The following SLC24A2 variants were observed in gnomAD, a reference collection of about 807,000 sequenced individuals.
SLC24A2 encodes solute carrier family 24 member 2, also known as sodium/potassium/calcium exchanger 2.
Under a neutral mutation model 62.0 loss-of-function variants are expected in SLC24A2, and 36 were observed. The observed-to-expected ratio is 0.58, with a 90% confidence interval of 0.44 to 0.77. The LOEUF is 0.77. Ranked by LOEUF, SLC24A2 falls within the 30% of genes least tolerant of loss-of-function variation. The probability of loss-of-function intolerance (pLI) is 0.00; values close to 1 mark genes in which losing one functional copy is unlikely to be tolerated. For synonymous variants in SLC24A2, 358 were observed against 294.0 expected (o/e 1.22, Z -2.23); for missense variants, 846 against 817.9 (o/e 1.03, Z -0.42).
chr9:20,228,662 A>T, the SLC24A2 span, among the ~76,000 whole-genome samples: 3 of 152,136 alleles, frequency 2.0e-5, no homozygotes, highest in African/African-American at 2.4e-5. Flanking sequence ...ATCCAGGAAG[A>T]GGTCAAGTCC....
chr9:19,545,268 C>G (rs1354917773), intron 8 of SLC24A2, among the ~76,000 whole-genome samples: 1 of 151,920 alleles, frequency 6.6e-6, no homozygotes, highest in Non-Finnish European at 1.5e-5. Context: ...CTGTGTTTTT[C>G]AGCTCCATCA....
At chr9:20,149,899 GGCCA>G in the SLC24A2 span, among the ~76,000 whole-genome samples, 1 of 151,950 alleles carries the variant, frequency 6.6e-6, no homozygotes, top group East Asian at 1.9e-4. Context: ...AAAGGTTAAA[GGCCA>G]GTCACGGGTG....
the SLC24A2 span, among the ~76,000 whole-genome samples, chr9:19,932,672 C>G: frequency 1.1e-4 from 16 of 152,304 alleles, no homozygotes; most frequent in African/African-American, 3.4e-4. Flanking sequence ...CTGGTGCTGT[C>G]TTTAGTTTTC....
chr9:19,654,384 C>T (rs1818884537), intron 2 of SLC24A2, among the ~76,000 whole-genome samples: 1 of 152,160 alleles, frequency 6.6e-6, no homozygotes, highest in Admixed American at 6.6e-5. Flanking sequence ...TCCTAAACCA[C>T]AGCCTTTTCT....
the SLC24A2 span, among the ~76,000 whole-genome samples, chr9:19,908,685 A>G: frequency 1.3e-5 from 2 of 152,244 alleles, no homozygotes; most frequent in South Asian, 2.1e-4. Context: ...ATGAACAGAC[A>G]CTTTTCAAAA....
the SLC24A2 span, among the ~76,000 whole-genome samples, chr9:20,197,004 A>G: frequency 1.3e-5 from 2 of 152,246 alleles, no homozygotes; most frequent in African/African-American, 4.8e-5. Context: ...ACATTCCATT[A>G]TATGGATGTA....
At chr9:20,219,484 T>C in the SLC24A2 span, among the ~76,000 whole-genome samples, 1 of 152,194 alleles carries the variant, frequency 6.6e-6, no homozygotes, top group East Asian at 1.9e-4. Flanking sequence ...TCTTGGAGAT[T>C]ATAATAAAAT....
chr9:19,962,196 T>C, the SLC24A2 span, among the ~76,000 whole-genome samples: 1 of 152,036 alleles, frequency 6.6e-6, no homozygotes, highest in African/African-American at 2.4e-5. Flanking sequence ...CTTTAAGGAG[T>C]TGCTCTGTTC....
At chr9:19,671,365 T>C (rs1196000090) in intron 2 of SLC24A2, among the ~76,000 whole-genome samples, 1 of 151,678 alleles carries the variant, frequency 6.6e-6, no homozygotes, top group Non-Finnish European at 1.5e-5. Flanking sequence ...TGGTCACTGT[T>C]GGTGTATAGC....
chr9:19,699,191 G>A (rs547880741), intron 2 of SLC24A2, among the ~76,000 whole-genome samples: 41 of 152,240 alleles, frequency 2.7e-4, no homozygotes, highest in African/African-American at 8.7e-4. Context: ...TACTGTGTTA[G>A]CATATAAACA....
chr9:20,087,597 T>C, the SLC24A2 span, among the ~76,000 whole-genome samples: 7 of 152,218 alleles, frequency 4.6e-5, no homozygotes, highest in African/African-American at 1.7e-4. Flanking sequence ...GCAAAAATTA[T>C]ATAAAATTAA....
the SLC24A2 span, among the ~76,000 whole-genome samples, chr9:20,212,639 G>T: frequency 6.6e-6 from 1 of 151,358 alleles, no homozygotes; most frequent in African/African-American, 2.5e-5. Flanking sequence ...TAACGCCAGG[G>T]ATAAATAAGG....
At chr9:19,637,653 G>C (rs1391722909) in intron 2 of SLC24A2, among the ~76,000 whole-genome samples, 1 of 152,202 alleles carries the variant, frequency 6.6e-6, no homozygotes, top group Non-Finnish European at 1.5e-5. Context: ...TTTTTAAGTA[G>C]TTGTTCCCTA....
chr9:20,144,492 C>T, the SLC24A2 span, among the ~76,000 whole-genome samples: 3 of 152,160 alleles, frequency 2.0e-5, no homozygotes, highest in Admixed American at 1.3e-4. Context: ...TTTAGACTCC[C>T]GTAAAGCCTC....
At chr9:19,677,367 G>C (rs1184194257) in intron 2 of SLC24A2, among the ~76,000 whole-genome samples, 8 of 152,148 alleles carry the variant, frequency 5.3e-5, no homozygotes, top group African/African-American at 1.7e-4. Flanking sequence ...CTTACAAGTA[G>C]GAAACTAAAT....
chr9:19,526,567 G>T (rs1000673792), intron 9 of SLC24A2, among the ~76,000 whole-genome samples: 1 of 152,074 alleles, frequency 6.6e-6, no homozygotes. Flanking sequence ...GTGGTATCTT[G>T]TTATGGTTTT....
At chr9:20,258,801 TATC>T in the SLC24A2 span, among the ~76,000 whole-genome samples, 316 of 128,856 alleles carry the variant, frequency 2.5e-3, 2 homozygotes, top group African/African-American at 7.9e-3. Context: ...TCTATCTATC[TATC>T]TATCTATCTA....
the SLC24A2 span, among the ~76,000 whole-genome samples, chr9:20,044,142 T>C: frequency 6.6e-6 from 1 of 152,204 alleles, no homozygotes; most frequent in Non-Finnish European, 1.5e-5. Context: ...TAAAGTATTT[T>C]TTATTGTGTA....
chr9:19,685,508 C>T (rs569038015), intron 2 of SLC24A2, among the ~76,000 whole-genome samples: 17 of 152,086 alleles, frequency 1.1e-4, no homozygotes, highest in Non-Finnish European at 2.2e-4. Flanking sequence ...TAACTTCAAA[C>T]TATACTACAA....
Sources: gnomAD v4.1 joint callset for allele counts (sites outside exome capture counted in the v4.1 genomes callset) on GRCh38, gnomAD v4.1.1 for gene constraint, MANE v1.5 for transcripts, NCBI Gene and HGNC (gene_info 2026-07-23, HGNC 2026-07-21) for gene names.